PRDM1: variants seen among roughly 807,000 people sequenced by gnomAD.
PRDM1 encodes PR/SET domain 1, also known as PR domain zinc finger protein 1.
PRDM1 carries 13 observed loss-of-function variants against 62.8 expected under a neutral mutation model. That is an observed-to-expected ratio of 0.21 (90% CI 0.13 to 0.33). The LOEUF is 0.33. PRDM1 is among the 10% of genes least tolerant of loss of function. The pLI is 1.00. For synonymous variants in PRDM1, 396 were observed against 417.6 expected, an observed-to-expected ratio of 0.95 and a Z score of 0.63; for missense variants, 895 against 1,058.8, an observed-to-expected ratio of 0.85 and a Z score of 2.15.
chr6:106,076,509 CTTTA>C (rs1391828220), intron 1 of PRDM1, among the ~76,000 whole-genome samples: 1 of 151,978 alleles, frequency 6.6e-6, no homozygotes, highest in Non-Finnish European at 1.5e-5. Context: ...TAAGCTGTTA[CTTTA>C]TTAGTAGAAA....
intron 1 of PRDM1, among the ~76,000 whole-genome samples, chr6:106,055,760 C>T (rs1773255915): frequency 6.6e-6 from 1 of 152,188 alleles, no homozygotes; most frequent in Non-Finnish European, 1.5e-5. Flanking sequence ...TATTAACTAA[C>T]TTTCTTGCCA....
At chr6:106,060,555 T>C (rs1476361816) in intron 1 of PRDM1, among the ~76,000 whole-genome samples, 2 of 152,130 alleles carry the variant, frequency 1.3e-5, no homozygotes, top group Non-Finnish European at 2.9e-5. Flanking sequence ...GAAAATTATA[T>C]ACAAGGAAGG....
At chr6:106,018,790 C>T (rs1582427753) in intron 1 of PRDM1, among the ~76,000 whole-genome samples, 1 of 151,982 alleles carries the variant, frequency 6.6e-6, no homozygotes, top group Non-Finnish European at 1.5e-5. Flanking sequence ...CCTGGATCAC[C>T]TAGCTGAGGT....
At chr6:106,079,222 C>T (rs1361351846) in intron 1 of PRDM1, among the ~76,000 whole-genome samples, 1 of 151,990 alleles carries the variant, frequency 6.6e-6, no homozygotes, top group Non-Finnish European at 1.5e-5. Context: ...ACCTTGGCCT[C>T]CCAAAGTGCT....
upstream of PRDM1, among the ~76,000 whole-genome samples, chr6:106,044,550 C>T (rs145509145): frequency 1.6e-4 from 25 of 152,250 alleles, no homozygotes; most frequent in Non-Finnish European, 2.8e-4. Flanking sequence ...CACCTCTTTC[C>T]GCCCTTCAGT....
intron 1 of PRDM1, among the ~76,000 whole-genome samples, chr6:106,025,681 GAAT>G (rs1772755193): frequency 6.6e-6 from 1 of 152,116 alleles, no homozygotes; most frequent in African/African-American, 2.4e-5. Flanking sequence ...AAAGAAAAAA[GAAT>G]AAAATCTCAA....
chr6:106,017,131 T>C (rs1465560426), intron 1 of PRDM1, among the ~76,000 whole-genome samples: 1 of 152,214 alleles, frequency 6.6e-6, no homozygotes, highest in Admixed American at 6.5e-5. Context: ...TGACTGCTTA[T>C]GTTATTGGTT....
At chr6:106,049,899 T>C (rs1047167071) in intron 1 of PRDM1, among the ~76,000 whole-genome samples, 2 of 152,246 alleles carry the variant, frequency 1.3e-5, no homozygotes, top group Non-Finnish European at 2.9e-5. Context: ...TTTTTGGCCT[T>C]GAGAACCTGA....
Position 106,025,450 on chromosome 6 carries a change from A to G in PRDM1, c.-67+31811A>G, listed in dbSNP as rs1478114794. ...TTGAATATCTGGCAATATTTTAAAA[A>G]ATATTTAATTAGTATTTATTATCCA... On this transcript the variant is annotated intron_variant, in intron 1 of 6. Transcript: ENST00000652320. Among the ~76,000 whole-genome samples the G allele has an allele frequency of 9.9e-5, 15 of 152,222 alleles. 1 individual carries two copies. The highest frequency in any genetic ancestry group is 8.5e-4 in the Admixed American group (13 of 15,284).
intron 3 of PRDM1, chr6:106,098,491 C>T: frequency 8.4e-7 from 1 of 1,188,412 alleles, no homozygotes; most frequent in Non-Finnish European, 1.1e-6. Context: ...GTTCTTTTTC[C>T]AAAAACACAC....
In PRDM1 at chr6:106,103,415, A is replaced by G. The variant is rs181306232; in HGVS notation, c.665-1410A>G. On this transcript the variant is annotated intron_variant, in intron 4 of 6. Transcript: ENST00000369096. ...TTTTTAGACGATGAAGGATATTTGC[A>G]CAAAGGCTTCAGCATGATCCCCCAA... Among the ~76,000 whole-genome samples the G allele has an allele frequency of 1.9e-3, 292 of 152,340 alleles. 2 individuals are homozygous for G. Among genetic ancestry groups the G allele is most frequent in the Non-Finnish European group, 1.3e-3 (87 of 68,026 alleles).
At chr6:106,055,543 G>A (rs1773250262) in intron 1 of PRDM1, among the ~76,000 whole-genome samples, 1 of 152,166 alleles carries the variant, frequency 6.6e-6, no homozygotes, top group Non-Finnish European at 1.5e-5. Flanking sequence ...AATGGAGTAT[G>A]TGTCCCCTTG....
intron 1 of PRDM1, among the ~76,000 whole-genome samples, chr6:106,006,118 A>T (rs1772478840): frequency 6.6e-6 from 1 of 152,216 alleles, no homozygotes; most frequent in African/African-American, 2.4e-5. Context: ...TCCTCTGAGC[A>T]TGGAAAGTGC....
chr6:106,013,689 A>G (rs746412126), intron 1 of PRDM1, among the ~76,000 whole-genome samples: 2 of 152,142 alleles, frequency 1.3e-5, no homozygotes, highest in African/African-American at 4.8e-5. Context: ...CCAATATTGT[A>G]TAGTGCTGCC....
chr6:105,999,427 A>G (rs1274995256), intron 1 of PRDM1, among the ~76,000 whole-genome samples: 2 of 152,146 alleles, frequency 1.3e-5, no homozygotes, highest in South Asian at 2.1e-4. Flanking sequence ...ATTGTGACCA[A>G]TTAGAACAAA....
chr6:106,044,954 C>T (rs1347252886), upstream of PRDM1, among the ~76,000 whole-genome samples: 1 of 152,116 alleles, frequency 6.6e-6, no homozygotes, highest in Admixed American at 6.6e-5. Flanking sequence ...GTAAGATAAC[C>T]CTTAAAGATA....
chr6:106,074,706 G>A (rs770458280), intron 1 of PRDM1, among the ~76,000 whole-genome samples: 16 of 152,210 alleles, frequency 1.1e-4, no homozygotes, highest in South Asian at 2.1e-4. Flanking sequence ...CTGGTGCCTT[G>A]GCTCACATCT....
chr6:106,099,980 A>T (rs1444130516), intron 4 of PRDM1, among the ~76,000 whole-genome samples: 2 of 152,244 alleles, frequency 1.3e-5, no homozygotes, highest in African/African-American at 2.4e-5. Flanking sequence ...GATGTGGAAC[A>T]TTGTAAGATC....
intron 4 of PRDM1, among the ~76,000 whole-genome samples, chr6:106,104,466 C>T (rs909335574): frequency 5.1e-4 from 78 of 152,224 alleles, no homozygotes; most frequent in African/African-American, 1.8e-3. Context: ...CCACCTCGGC[C>T]TCCCAAAGTG....
Sources: gnomAD v4.1 joint callset for allele counts (sites outside exome capture counted in the v4.1 genomes callset) on GRCh38, gnomAD v4.1.1 for gene constraint, MANE v1.5 for transcripts, NCBI Gene and HGNC (gene_info 2026-07-23, HGNC 2026-07-21) for gene names.